The following STON2 variants were observed in gnomAD, a reference collection of about 807,000 sequenced individuals.
The protein encoded by STON2 is stonin-2.
A neutral mutation model predicts 65.7 loss-of-function variants in STON2; 29 were observed. The ratio of observed to expected loss-of-function variants is 0.44; its 90% CI spans 0.33 to 0.60. The LOEUF is 0.60. Ranked by LOEUF, STON2 falls within the 20% of genes least tolerant of loss-of-function variation. STON2 has a pLI of 0.03. For missense variants in STON2, 1,054 were observed against 1,118.1 expected (o/e 0.94, Z 0.82); for synonymous variants, 404 against 414.2 (o/e 0.98, Z 0.30).
At chr14:81,297,681 G>A (rs1441286236) in intron 5 of STON2, among the ~76,000 whole-genome samples, 1 of 152,194 alleles carries the variant, frequency 6.6e-6, no homozygotes, top group African/African-American at 2.4e-5. Flanking sequence ...TTTGAGGTTT[G>A]AGGTTTGTTT....
intron 4 of STON2, among the ~76,000 whole-genome samples, chr14:81,333,625 T>A (rs1897281237): frequency 6.6e-6 from 1 of 152,182 alleles, no homozygotes; most frequent in Non-Finnish European, 1.5e-5. Context: ...TGGAATGAAC[T>A]TCCTCTCTAG....
intron 3 of STON2, among the ~76,000 whole-genome samples, chr14:81,390,440 G>A (rs1311245306): frequency 6.6e-6 from 1 of 152,092 alleles, no homozygotes; most frequent in Non-Finnish European, 1.5e-5. Flanking sequence ...AAATTATAAG[G>A]AGCTGTAAGG....
intron 4 of STON2, among the ~76,000 whole-genome samples, chr14:81,333,597 C>T (rs945416534): frequency 3.3e-5 from 5 of 152,114 alleles, no homozygotes; most frequent in East Asian, 1.9e-4. Flanking sequence ...AGCTGTTAAC[C>T]GTAACACTGC....
intron 4 of STON2, among the ~76,000 whole-genome samples, chr14:81,331,281 T>C (rs1429299038): frequency 6.6e-6 from 1 of 152,254 alleles, no homozygotes; most frequent in South Asian, 2.1e-4. Context: ...TTTAGCCCCA[T>C]GTGTCTTTGG....
chr14:81,421,268 G>C (rs765490236), intron 2 of STON2, among the ~76,000 whole-genome samples: 1 of 152,202 alleles, frequency 6.6e-6, no homozygotes, highest in African/African-American at 2.4e-5. Context: ...AACTATAGGT[G>C]ATTTACTTTG....
intron 4 of STON2, among the ~76,000 whole-genome samples, chr14:81,338,929 C>G (rs1379662092): frequency 6.6e-6 from 1 of 152,140 alleles, no homozygotes; most frequent in Non-Finnish European, 1.5e-5. Context: ...TGAACCTGGA[C>G]AGAAAAGCAG....
At chr14:81,370,079 C>A (rs1487784947) in intron 4 of STON2, among the ~76,000 whole-genome samples, 1 of 152,154 alleles carries the variant, frequency 6.6e-6, no homozygotes, top group Non-Finnish European at 1.5e-5. Context: ...CTGCCTGAAG[C>A]CTTCAGTCTA....
rs141673656 is a variant in STON2, at chr14:81,370,953, T to C, written c.571+35A>G. The C allele has an allele frequency of 4.5e-4, 720 of 1,597,034 alleles. 1 individual carries two copies. In the African/African-American group the frequency reaches 8.5e-3, roughly 19 times the overall value. ...GTGGACCTGGGTACACCAAAAGTGA[T>C]TTGCAAAGCCCTCTGGCTTAGAGCT... On this transcript the variant is annotated intron_variant, in intron 4 of 7. Coordinates refer to ENST00000614646, the MANE Select transcript of STON2 (RefSeq NM_001394390.1).
chr14:81,265,086 A>T lies in STON2; in HGVS notation c.*3328T>A, dbSNP rs1381238573. On this transcript the variant is annotated 3_prime_UTR_variant, in exon 8 of 8. Transcript: ENST00000614646. ...AGATTATTTGTGACCACAAAAAAAA[A>T]AAATAAAAAGTCCAGGTCCAGGGTT... 2.8e-5 allele frequency: 28 copies of T among 985,038 alleles called. No individual in the cohort carries two copies. Among genetic ancestry groups the T allele is most frequent in the Non-Finnish European group, 3.3e-5 (27 of 829,722 alleles). 61.0% of individuals were successfully genotyped at this position (985,038 alleles called of 1,614,324 possible).
chr14:81,277,157 G>C lies in STON2; in HGVS notation c.2325C>G (p.Asp775Glu), dbSNP rs764416944. Reference sequence around the variant, plus strand: ...TCTCACAGGGAACCTGAGTGAGGGGGTCACGATTGGCGGAGAAGCCAGTTG... The same window carrying C: ...TCTCACAGGGAACCTGAGTGAGGGGCTCACGATTGGCGGAGAAGCCAGTTG... ...RMSTGFSANRDPLTQVPCENV... is the reference protein window; with the variant it reads ...RMSTGFSANREPLTQVPCENV... The change falls in exon 6 of 8, where the codon GAC becomes GAG. Residue 775 changes from aspartate (D) to glutamate (E), a missense_variant. Coordinates refer to ENST00000614646, the MANE Select transcript of STON2 (RefSeq NM_001394390.1). 1 of 1,614,216 alleles carries C rather than the reference G, an allele frequency of 6.2e-7. No individual in the cohort carries two copies. The highest frequency in any genetic ancestry group is 8.5e-7 in the Non-Finnish European group (1 of 1,180,040).
At chr14:81,427,596 A>G (rs1423247596) in intron 1 of STON2, among the ~76,000 whole-genome samples, 4 of 152,112 alleles carry the variant, frequency 2.6e-5, no homozygotes, top group South Asian at 2.1e-4. Flanking sequence ...AGCCCCGCCT[A>G]TGCCAATTAG....
intron 3 of STON2, among the ~76,000 whole-genome samples, chr14:81,379,665 A>G (rs2140390821): frequency 6.6e-6 from 1 of 152,332 alleles, no homozygotes; most frequent in Non-Finnish European, 1.5e-5. Flanking sequence ...CCAATGAAAT[A>G]GGTTAGAGAA....
chr14:81,389,825 G>A (rs1899992605), intron 3 of STON2, among the ~76,000 whole-genome samples: 1 of 152,240 alleles, frequency 6.6e-6, no homozygotes, highest in South Asian at 2.1e-4. Context: ...AGATGCACCT[G>A]TCATAAAATG....
chr14:81,310,450 CAGCATCTCCTCCCCAT>C, intron 5 of STON2, among the ~76,000 whole-genome samples: 1 of 152,242 alleles, frequency 6.6e-6, no homozygotes, highest in African/African-American at 2.4e-5. Context: ...CCAGTGTGAG[CAGCATCTCCTCCCCAT>C]TCAATGTGGT....
chr14:81,392,384 CCT>C (rs1459139107), intron 3 of STON2, among the ~76,000 whole-genome samples: 2 of 152,064 alleles, frequency 1.3e-5, no homozygotes, highest in Non-Finnish European at 2.9e-5. Flanking sequence ...GCTGAGAGTC[CCT>C]GTTTCCCCTC....
chr14:81,367,661 G>A (rs933253472), intron 4 of STON2, among the ~76,000 whole-genome samples: 3 of 152,170 alleles, frequency 2.0e-5, no homozygotes, highest in African/African-American at 4.8e-5. Context: ...AGGATGTTCA[G>A]GAAGAGCCTC....
At chr14:81,275,301 G>A (rs1894769968) in intron 6 of STON2, among the ~76,000 whole-genome samples, 1 of 152,072 alleles carries the variant, frequency 6.6e-6, no homozygotes, top group Admixed American at 6.5e-5. Context: ...TCTACCAGGA[G>A]GCACCAGTGA....
chr14:81,339,721 T>C (rs926691713), intron 4 of STON2, among the ~76,000 whole-genome samples: 16 of 152,204 alleles, frequency 1.1e-4, no homozygotes, highest in Non-Finnish European at 2.1e-4. Context: ...GTGGCTTACC[T>C]GCTCCTCAAA....
intron 4 of STON2, among the ~76,000 whole-genome samples, chr14:81,370,152 G>A (rs1255342020): frequency 6.6e-6 from 1 of 152,086 alleles, no homozygotes; most frequent in Non-Finnish European, 1.5e-5. Context: ...GCAAACATCC[G>A]AAGCTTAAAA....
Sources: allele counts gnomAD v4.1 joint callset (sites outside exome capture counted in the v4.1 genomes callset), GRCh38; gene constraint gnomAD v4.1.1; transcripts MANE v1.5; gene names NCBI Gene and HGNC (gene_info 2026-07-23, HGNC 2026-07-21).